CCDC141: variants seen among roughly 807,000 people sequenced by gnomAD.
CCDC141 encodes the protein coiled-coil domain-containing protein 141.
A neutral mutation model predicts 181.0 loss-of-function variants in CCDC141; 168 were observed. The ratio of observed to expected loss-of-function variants is 0.93; its 90% confidence interval spans 0.82 to 1.05. The LOEUF is 1.05. CCDC141 is among the 50% of genes least tolerant of loss of function. The probability of loss-of-function intolerance (pLI) is 0.00; values close to 1 mark genes in which losing one functional copy is unlikely to be tolerated. For missense variants in CCDC141, 1,902 were observed against 1,788.5 expected (o/e 1.06, Z -1.14); for synonymous variants, 666 against 642.3 (o/e 1.04, Z -0.56).
Position 178,865,845 on chromosome 2 carries a change from C to G in CCDC141, c.2646G>C (p.Trp882Cys), listed in dbSNP as rs777979871. 1.9e-6 allele frequency: 3 copies of G among 1,607,124 alleles called. No homozygotes were observed. The highest frequency in any genetic ancestry group is 2.6e-6 in the Non-Finnish European group (3 of 1,176,386). Reference sequence around the variant, plus strand: ...GTCCATACTCCTCAGCTTTGGCACGCCACTTCATGCTGTCCTCCTCAAGGA... The same window carrying G: ...GTCCATACTCCTCAGCTTTGGCACGGCACTTCATGCTGTCCTCCTCAAGGA... ...LELLEEDSMKWRAKAEEYGRT... is the reference protein window; with the variant it reads ...LELLEEDSMKCRAKAEEYGRT... The change falls in exon 17 of 24, where the codon TGG becomes TGC. Residue 882 changes from tryptophan (W) to cysteine (C), a missense_variant. Physicochemically the swap from Trp to Cys is radical, Grantham distance 215. Transcript: ENST00000443758.
At chr2:179,026,075 C>T (rs1241853094) in intron 2 of CCDC141, among the ~76,000 whole-genome samples, 1 of 152,148 alleles carries the variant, frequency 6.6e-6, no homozygotes, top group Non-Finnish European at 1.5e-5. Context: ...TGCAGCCAGA[C>T]AATGTGATAG....
intron 20 of CCDC141, among the ~76,000 whole-genome samples, chr2:178,851,004 G>A (rs538910581): frequency 1.3e-5 from 2 of 152,030 alleles, no homozygotes; most frequent in Non-Finnish European, 1.5e-5. Context: ...TCAGGAGTTC[G>A]AGACCAGCCT....
Position 178,872,229 on chromosome 2 carries a change from T to C in CCDC141, c.1983A>G (p.Glu661=). The C allele has an allele frequency of 6.2e-7, 1 of 1,614,110 alleles. No homozygotes were observed. Among genetic ancestry groups the C allele is most frequent in the Non-Finnish European group, 8.5e-7 (1 of 1,179,976 alleles). The change falls in exon 13 of 24, where the codon GAA becomes GAG. Residue 661 remains glutamate, a synonymous_variant. Transcript: ENST00000443758. ...ATGCCAGCCGAAGGAGGCTAAGTTCTTCCCGTTCTGCTTTCTGGTTTTCCA... is the reference window on the plus strand; with the variant it reads ...ATGCCAGCCGAAGGAGGCTAAGTTCCTCCCGTTCTGCTTTCTGGTTTTCCA... The part of the protein sequence containing the change: ...NTMENQKAER[E]ELSLLRLAWQ...
At chr2:178,907,393 G>C (rs561962065) in intron 7 of CCDC141, among the ~76,000 whole-genome samples, 2 of 152,288 alleles carry the variant, frequency 1.3e-5, no homozygotes, top group Non-Finnish European at 2.9e-5. Flanking sequence ...CCTGGGCTGT[G>C]GTGCCATGTG....
rs573266095 is a variant in CCDC141, at chr2:178,919,882, C to T, written c.898-975G>A. 3.9e-5 allele frequency among the ~76,000 whole-genome samples: 6 copies of T among 152,300 alleles called. No individual in the cohort carries two copies. The South Asian group carries it at 8.3e-4, about 21-fold the overall frequency. On this transcript the variant is annotated intron_variant, in intron 6 of 23. Coordinates refer to ENST00000443758, the MANE Select transcript of CCDC141 (RefSeq NM_173648.4). ...TTCGGTATTTTCTCCTTCATGATAT[C>T]GGTTTCACCTCTCAAGGCTTCACTC...
chr2:178,905,385 G>T lies in CCDC141; in HGVS notation c.1209C>A (p.Cys403Ter), dbSNP rs1269837893. ...GTCCCTTTTGCAAAGCATCAGTTGT[G>T]CAGTCTTTAATTTTTCTGTGTAATT... Reference protein sequence around the residue: ...HEELHRKIKDCTTDALQKGQT... With the variant: ...HEELHRKIKD Residue 403 changes from cysteine (C) to a stop codon, truncating the protein, a stop_gained, in exon 8 of 24, where the codon TGC becomes TGA. Coordinates refer to ENST00000443758, the MANE Select transcript of CCDC141 (RefSeq NM_173648.4). LOFTEE classifies it high-confidence loss of function. 6.4e-7 allele frequency: 1 copy of T among 1,550,490 alleles called. No individual in the cohort carries two copies. The highest frequency in any genetic ancestry group is 2.0e-5 in the Admixed American group (1 of 50,984).
chr2:178,817,805 C>G, the CCDC141 span: 1 of 261,810 alleles, frequency 3.8e-6, no homozygotes, highest in East Asian at 9.1e-5. Flanking sequence ...CTCCCTCCCT[C>G]CCTCCCTCCC....
At position 178,834,268 on chromosome 2, in the gene CCDC141, C is replaced by T. The variant is rs998023741; in HGVS notation, c.4498G>A (p.Gly1500Ser). The T allele has an allele frequency of 2.6e-6, 4 of 1,536,026 alleles. No individual in the cohort carries two copies. The African/African-American group carries it at 5.5e-5, about 21-fold the overall frequency. Residue 1500 changes from glycine to serine, a missense_variant, in exon 24 of 24, where the codon GGT becomes AGT. Transcript: ENST00000443758. ...LSSNVILHVT[G>S]NCRLPITRVN... The stretch of plus-strand genomic sequence containing the variant: ...CTTGTGATTGGCAGCCTGCAGTTAC[C>T]TGTCACGTGGAGGATGACATTGGAA...
intron 8 of CCDC141, among the ~76,000 whole-genome samples, chr2:178,897,051 G>A (rs1333129044): frequency 6.6e-6 from 1 of 151,672 alleles, no homozygotes; most frequent in Admixed American, 6.6e-5. Flanking sequence ...TCTCCTAGCT[G>A]CTTGCAGGGT....
intron 2 of CCDC141, among the ~76,000 whole-genome samples, chr2:179,010,878 G>A (rs1284138268): frequency 2.6e-5 from 4 of 152,080 alleles, no homozygotes; most frequent in Non-Finnish European, 5.9e-5. Flanking sequence ...TACAGAACCG[G>A]CTGGGCATGG....
At chr2:178,897,106 A>T (rs1687447755) in intron 8 of CCDC141, among the ~76,000 whole-genome samples, 1 of 152,132 alleles carries the variant, frequency 6.6e-6, no homozygotes, top group Admixed American at 6.5e-5. Flanking sequence ...TACAATGTCT[A>T]AAATGATCTC....
chr2:178,899,203 C>T (rs745743130), intron 8 of CCDC141, among the ~76,000 whole-genome samples: 7 of 152,130 alleles, frequency 4.6e-5, no homozygotes, highest in Non-Finnish European at 8.8e-5. Flanking sequence ...AAGTCTGCAG[C>T]CTAGAAACAA....
intron 2 of CCDC141, among the ~76,000 whole-genome samples, chr2:179,013,225 T>A (rs2042321086): frequency 6.6e-6 from 1 of 152,124 alleles, no homozygotes; most frequent in East Asian, 1.9e-4. Context: ...TCCTAGGGAC[T>A]CCTCCAGAAA....
Position 179,047,335 on chromosome 2 carries a change from A to C in CCDC141, c.174T>G (p.Asp58Glu), listed in dbSNP as rs751940284. The C allele has an allele frequency of 8.4e-6, 13 of 1,543,758 alleles. No homozygotes were observed. In the South Asian group the frequency reaches 1.1e-4, roughly 13 times the overall value. The change falls in exon 2 of 24, where the codon GAT (aspartate) becomes GAG (glutamate). Residue 58 changes from aspartate to glutamate, a missense_variant. Physicochemically the swap from Asp to Glu is conservative, Grantham distance 45 (BLOSUM62 2). Transcript: ENST00000443758. Reference sequence around the variant, plus strand: ...GATCATGAAGAAGTTTTTTGGTTTCATCTTGACTGCTGCCAATTTCTAGAA... The same window carrying C: ...GATCATGAAGAAGTTTTTTGGTTTCCTCTTGACTGCTGCCAATTTCTAGAA... ...PNLLEIGSSQ[D>E]ETKKLLHDHE...
chr2:179,030,668 C>G (rs2042976266), intron 2 of CCDC141, among the ~76,000 whole-genome samples: 1 of 151,926 alleles, frequency 6.6e-6, no homozygotes, highest in African/African-American at 2.4e-5. Flanking sequence ...AATTACTTTT[C>G]TAAGTAAAAT....
intron 2 of CCDC141, among the ~76,000 whole-genome samples, chr2:179,018,560 T>A (rs577047453): frequency 6.6e-6 from 1 of 152,182 alleles, no homozygotes; most frequent in Admixed American, 6.6e-5. Flanking sequence ...TTCTACACTT[T>A]AGCATCTGCC....
chr2:178,931,811 C>A (rs1021221990), intron 6 of CCDC141, among the ~76,000 whole-genome samples: 1 of 152,056 alleles, frequency 6.6e-6, no homozygotes, highest in Non-Finnish European at 1.5e-5. Context: ...ATTTACTTTA[C>A]CATTTTTTCT....
intron 2 of CCDC141, among the ~76,000 whole-genome samples, chr2:178,992,410 G>T (rs1692100732): frequency 6.9e-6 from 1 of 143,914 alleles, no homozygotes; most frequent in Admixed American, 7.1e-5. Flanking sequence ...TGCTGTACTG[G>T]AATCATGGAC....
intron 7 of CCDC141, among the ~76,000 whole-genome samples, chr2:178,906,758 T>C (rs546255472): frequency 6.6e-6 from 1 of 152,148 alleles, no homozygotes; most frequent in Non-Finnish European, 1.5e-5. Context: ...GGTGGGCTCA[T>C]GAGTCCAGTA....
Sources: allele counts gnomAD v4.1 joint callset (sites outside exome capture counted in the v4.1 genomes callset), GRCh38; gene constraint gnomAD v4.1.1; transcripts MANE v1.5; gene names NCBI Gene and HGNC (gene_info 2026-07-23, HGNC 2026-07-21).